KCTD8: variants seen among roughly 807,000 people sequenced by gnomAD.
The protein encoded by KCTD8 is potassium channel tetramerization domain containing 8, also known as BTB/POZ domain-containing protein KCTD8.
Under a neutral mutation model 31.5 loss-of-function variants are expected in KCTD8, and 27 were observed. The observed-to-expected ratio is 0.86, with a 90% CI of 0.63 to 1.18. The LOEUF is 1.18. KCTD8 is among the 50% of genes most tolerant of loss of function. KCTD8 has a pLI of 0.00. For synonymous variants in KCTD8, 290 were observed against 280.0 expected, an observed-to-expected ratio of 1.04 and a Z score of -0.36; for missense variants, 658 against 647.7, an observed-to-expected ratio of 1.02 and a Z score of -0.17.
chr4:44,369,112 G>A (rs1331333893), intron 1 of KCTD8, among the ~76,000 whole-genome samples: 2 of 152,186 alleles, frequency 1.3e-5, no homozygotes, highest in Non-Finnish European at 2.9e-5. Flanking sequence ...AGGGGAAAAA[G>A]TCAGAGTACT....
intron 1 of KCTD8, among the ~76,000 whole-genome samples, chr4:44,437,073 T>TTA (rs397740757): frequency 7.3e-5 from 11 of 151,576 alleles, no homozygotes; most frequent in African/African-American, 2.7e-4. Flanking sequence ...TTTTTTTTTT[T>TTA]AACCAAAGAA....
intron 1 of KCTD8, among the ~76,000 whole-genome samples, chr4:44,434,772 C>T (rs1436131058): frequency 2.0e-5 from 3 of 151,856 alleles, no homozygotes; most frequent in Admixed American, 6.6e-5. Context: ...AGACTTTACT[C>T]CATAGGGAAA....
At chr4:44,361,049 C>G (rs1024383376) in intron 1 of KCTD8, among the ~76,000 whole-genome samples, 2 of 152,016 alleles carry the variant, frequency 1.3e-5, no homozygotes, top group Non-Finnish European at 2.9e-5. Flanking sequence ...TTCACCTAAT[C>G]TCAAGCACAG....
chr4:44,255,635 G>T (rs1019285991), intron 1 of KCTD8, among the ~76,000 whole-genome samples: 13 of 151,812 alleles, frequency 8.6e-5, no homozygotes, highest in Admixed American at 5.3e-4. Flanking sequence ...AGAAGAAAAT[G>T]AGTCTTTTGA....
chr4:44,209,263 T>C (rs1374300410), intron 1 of KCTD8, among the ~76,000 whole-genome samples: 5 of 152,120 alleles, frequency 3.3e-5, no homozygotes, highest in African/African-American at 1.2e-4. Flanking sequence ...GAGCACTTAA[T>C]AAGAGAATAT....
intron 1 of KCTD8, among the ~76,000 whole-genome samples, chr4:44,304,019 C>T (rs1244848086): frequency 6.6e-6 from 1 of 152,022 alleles, no homozygotes; most frequent in East Asian, 1.9e-4. Flanking sequence ...TTTCACATAA[C>T]ACTAAATGGC....
In KCTD8 at chr4:44,388,789, A is replaced by G. The variant is rs1263718662; in HGVS notation, c.961+58774T>C. 9.2e-5 allele frequency among the ~76,000 whole-genome samples: 14 copies of G among 151,896 alleles called. No homozygotes were observed. The Admixed American group carries it at 9.2e-4, about 10-fold the overall frequency. On this transcript the variant is annotated intron_variant, in intron 1 of 1. Transcript: ENST00000360029. ...ACCTGGGTGATGAAATAATCTGCACAACAAACCCCTATGACAAAAGTTTAC... is the reference window on the plus strand; with the variant it reads ...ACCTGGGTGATGAAATAATCTGCACGACAAACCCCTATGACAAAAGTTTAC...
chr4:44,422,722 T>G (rs1338548021), intron 1 of KCTD8, among the ~76,000 whole-genome samples: 1 of 152,082 alleles, frequency 6.6e-6, no homozygotes, highest in East Asian at 1.9e-4. Flanking sequence ...CTATAACACC[T>G]ATCAAATGCT....
chr4:44,360,166 A>G (rs1194458155), intron 1 of KCTD8, among the ~76,000 whole-genome samples: 1 of 152,040 alleles, frequency 6.6e-6, no homozygotes, highest in African/African-American at 2.4e-5. Context: ...AGAGGAATAT[A>G]TGAAAAATAT....
rs561521034 is a variant in KCTD8, at chr4:44,240,317, A to G, written c.962-65067T>C. ...TTGTTTCCTCCTCTGGATGCTGGCA[A>G]CTCCTTTCCCTGTCCCCTTACTTTG... On this transcript the variant is annotated intron_variant, in intron 1 of 1. Transcript: ENST00000360029. Among the ~76,000 whole-genome samples, 6 of 152,140 alleles carry G rather than the reference A, an allele frequency of 3.9e-5. No homozygotes were observed. The East Asian group carries it at 1.2e-3, about 30-fold the overall frequency.
chr4:44,262,540 A>G (rs946506154), intron 1 of KCTD8, among the ~76,000 whole-genome samples: 30 of 152,248 alleles, frequency 2.0e-4, no homozygotes, highest in African/African-American at 6.5e-4. Context: ...AGGGAAAAAA[A>G]GCATTATATT....
chr4:44,393,149 G>A (rs1720413478), intron 1 of KCTD8, among the ~76,000 whole-genome samples: 1 of 151,976 alleles, frequency 6.6e-6, no homozygotes, highest in Admixed American at 6.6e-5. Flanking sequence ...TGTAGAGAGA[G>A]TACAGTTCTG....
rs1338145291 is a variant in KCTD8 at position 44,385,134 on chromosome 4, G to C, written c.961+62429C>G. ...AAGACGTAATACTGTTAAAATGTCAGTATTATCAAAAGTGTTAGGTAGACA... is the reference window on the plus strand; with the variant it reads ...AAGACGTAATACTGTTAAAATGTCACTATTATCAAAAGTGTTAGGTAGACA... On this transcript the variant is annotated intron_variant, in intron 1 of 1. Coordinates refer to ENST00000360029, the MANE Select transcript of KCTD8 (RefSeq NM_198353.3). Among the ~76,000 whole-genome samples, 5 of 151,766 alleles carry C rather than the reference G, an allele frequency of 3.3e-5. No homozygotes were observed. The East Asian group carries it at 7.8e-4, about 24-fold the overall frequency.
At chr4:44,293,603 G>T in intron 1 of KCTD8, 1 of 350,676 alleles carries the variant, frequency 2.9e-6, no homozygotes, top group South Asian at 2.3e-5. Context: ...TTAGATGCTA[G>T]ATTTCTAGTC....
intron 1 of KCTD8, among the ~76,000 whole-genome samples, chr4:44,321,244 C>T (rs888719967): frequency 1.1e-4 from 16 of 152,174 alleles, no homozygotes; most frequent in Non-Finnish European, 2.1e-4. Context: ...AGGAACAATG[C>T]TATTTTTGTG....
intron 1 of KCTD8, among the ~76,000 whole-genome samples, chr4:44,425,025 C>T (rs1721311982): frequency 6.6e-6 from 1 of 151,866 alleles, no homozygotes; most frequent in East Asian, 1.9e-4. Flanking sequence ...GAGATTGGGA[C>T]ACAGATACAC....
At chr4:44,289,762 G>A (rs575666075) in intron 1 of KCTD8, among the ~76,000 whole-genome samples, 2 of 152,218 alleles carry the variant, frequency 1.3e-5, no homozygotes, top group African/African-American at 4.8e-5. Context: ...GGAGCCTGGG[G>A]GATTTTGCAC....
intron 1 of KCTD8, chr4:44,293,886 T>C: frequency 2.3e-6 from 1 of 433,718 alleles, no homozygotes; most frequent in Non-Finnish European, 4.6e-6. Context: ...AATAGAATTA[T>C]TGCATAGAGA....
intron 1 of KCTD8, among the ~76,000 whole-genome samples, chr4:44,372,171 T>C (rs1303470612): frequency 6.6e-6 from 1 of 152,204 alleles, no homozygotes; most frequent in African/African-American, 2.4e-5. Context: ...ACTGATGTAA[T>C]ACAGTCCTTA....
Sources: allele counts gnomAD v4.1 joint callset (sites outside exome capture counted in the v4.1 genomes callset), GRCh38; gene constraint gnomAD v4.1.1; transcripts MANE v1.5; gene names NCBI Gene and HGNC (gene_info 2026-07-23, HGNC 2026-07-21).